FMN1: variants seen among roughly 807,000 people sequenced by gnomAD.
FMN1 encodes formin-1.
Under a neutral mutation model 132.4 loss-of-function variants are expected in FMN1, and 110 were observed. The ratio of observed to expected loss-of-function variants is 0.83; its 90% CI spans 0.71 to 0.97. FMN1 has a LOEUF of 0.97. Among genes scored for constraint, FMN1 ranks in the 50% least tolerant of loss-of-function variants. FMN1 has a pLI of 0.00. For synonymous variants in FMN1, 722 were observed against 651.7 expected (o/e 1.11, Z -1.64); for missense variants, 1,792 against 1,705.3 (o/e 1.05, Z -0.90).
At chr15:33,046,700 T>C (rs976943994) in intron 6 of FMN1, among the ~76,000 whole-genome samples, 2 of 152,180 alleles carry the variant, frequency 1.3e-5, no homozygotes, top group African/African-American at 4.8e-5. Flanking sequence ...CCCAGAAACC[T>C]GACATACTGG....
chr15:33,126,008 T>C (rs944505671), intron 4 of FMN1, among the ~76,000 whole-genome samples: 4 of 123,780 alleles, frequency 3.2e-5, no homozygotes, highest in Admixed American at 7.1e-5. Context: ...AATCTACACA[T>C]GAGATAACAG....
chr15:33,103,039 C>G (rs1382451035), intron 4 of FMN1, among the ~76,000 whole-genome samples: 6 of 152,048 alleles, frequency 3.9e-5, no homozygotes, highest in Non-Finnish European at 8.8e-5. Flanking sequence ...CTTGCCTTCT[C>G]CAGTACCAGG....
intron 7 of FMN1, among the ~76,000 whole-genome samples, chr15:33,004,310 T>C (rs1307392054): frequency 5.9e-5 from 9 of 152,168 alleles, no homozygotes; most frequent in Admixed American, 5.2e-4. Context: ...AAAGGGCTAA[T>C]ATCCAGAATC....
In FMN1 at chr15:33,186,617, A is replaced by C. The variant is rs375602538; in HGVS notation, c.-196-6355T>G. Among the ~76,000 whole-genome samples the C allele has an allele frequency of 2.6e-5, 4 of 152,318 alleles. 1 individual carries two copies. Among genetic ancestry groups the C allele is most frequent in the South Asian group, 4.1e-4 (2 of 4,828 alleles). Reference sequence around the variant, plus strand: ...ATTCTATCTTACTATCTCTTCACCTATCTTAAGTTTCAGTTTCCTCTTCAT... The same window carrying C: ...ATTCTATCTTACTATCTCTTCACCTCTCTTAAGTTTCAGTTTCCTCTTCAT... On this transcript the variant is annotated intron_variant, in intron 2 of 20. Coordinates refer to ENST00000616417, the MANE Select transcript of FMN1 (RefSeq NM_001277313.2).
At chr15:33,116,145 CTTA>C (rs1483719172) in intron 4 of FMN1, among the ~76,000 whole-genome samples, 7 of 152,240 alleles carry the variant, frequency 4.6e-5, no homozygotes, top group Middle Eastern at 3.4e-3. Context: ...TTTCCTTAGC[CTTA>C]TTAGTAGTTA....
rs187974360 is a variant in FMN1, at chr15:32,961,258, C to T, written c.3138+2849G>A. Reference sequence around the variant, plus strand: ...AAGCGATTCTCCTGCCTCAGCCTCCCGAGTAGCTGAGATTACAGGCGCCCG... The same window carrying T: ...AAGCGATTCTCCTGCCTCAGCCTCCTGAGTAGCTGAGATTACAGGCGCCCG... On this transcript the variant is annotated intron_variant, in intron 9 of 20. Transcript: ENST00000616417. Among the ~76,000 whole-genome samples, 534 of 151,626 alleles carry T rather than the reference C, an allele frequency of 3.5e-3. 5 individuals are homozygous for T. The highest frequency in any genetic ancestry group is 0.012 in the African/African-American group (510 of 41,326).
intron 7 of FMN1, among the ~76,000 whole-genome samples, chr15:33,004,940 A>G (rs1247037162): frequency 6.7e-6 from 1 of 149,774 alleles, no homozygotes; most frequent in Non-Finnish European, 1.5e-5. Flanking sequence ...TCGCAAGGAC[A>G]AAAAAACCAA....
At chr15:33,006,070 A>G (rs1596455217) in intron 7 of FMN1, among the ~76,000 whole-genome samples, 1 of 152,310 alleles carries the variant, frequency 6.6e-6, no homozygotes, top group East Asian at 1.9e-4. Context: ...ATAACATAAC[A>G]TATAATCCAA....
At chr15:33,169,229 C>A (rs574092457) in intron 3 of FMN1, among the ~76,000 whole-genome samples, 1 of 152,232 alleles carries the variant, frequency 6.6e-6, no homozygotes, top group African/African-American at 2.4e-5. Flanking sequence ...TATAAATATA[C>A]ATTTATGAAA....
At position 33,153,984 on chromosome 15, in the gene FMN1, C is replaced by G; in HGVS notation, c.931G>C (p.Asp311His). Residue 311 changes from aspartate (D) to histidine (H), a missense_variant, in exon 4 of 21, where the codon GAT becomes CAT. Physicochemically the swap from Asp to His is moderately conservative, Grantham distance 81 (BLOSUM62 -1). Transcript: ENST00000616417. The part of the protein sequence containing the change: ...DPEKHPEAEK[D>H]EMEKPAKRTC... ...CGCTTAGCCGGCTTCTCCATCTCAT[C>G]CTTTTCTGCCTCTGGATGCTTCTCA... The G allele has an allele frequency of 6.5e-7, 1 of 1,536,696 alleles. No homozygotes were observed. Among genetic ancestry groups the G allele is most frequent in the Middle Eastern group, 1.7e-4 (1 of 5,996 alleles).
intron 3 of FMN1, among the ~76,000 whole-genome samples, chr15:33,160,827 A>G (rs1964859938): frequency 6.6e-6 from 1 of 152,070 alleles, no homozygotes; most frequent in African/African-American, 2.4e-5. Flanking sequence ...CCAGGCTGGC[A>G]TTCTGTCTAT....
At chr15:33,025,996 A>T (rs946742704) in intron 6 of FMN1, among the ~76,000 whole-genome samples, 1 of 152,186 alleles carries the variant, frequency 6.6e-6, no homozygotes, top group Non-Finnish European at 1.5e-5. Context: ...AAAAGAAGAG[A>T]TAAAACTGGT....
intron 16 of FMN1, among the ~76,000 whole-genome samples, chr15:32,865,497 TAAAC>T (rs1355874441): frequency 1.3e-5 from 2 of 152,170 alleles, no homozygotes; most frequent in African/African-American, 2.4e-5. Flanking sequence ...ATTGAGAAAT[TAAAC>T]ATATTAGTCA....
At chr15:32,905,207 C>G (rs911073671) in intron 12 of FMN1, among the ~76,000 whole-genome samples, 1 of 152,162 alleles carries the variant, frequency 6.6e-6, no homozygotes, top group South Asian at 2.1e-4. Context: ...ACTCAGCTGA[C>G]GGGTGGAATG....
Position 32,999,254 on chromosome 15 carries a change from A to C in FMN1, c.2223+8760T>G, listed in dbSNP as rs191889844. ...GTATTATCTGGGAATTAAGAGATTT[A>C]AATGTATTGTGTTGATAATGAAGAA... On this transcript the variant is annotated intron_variant, in intron 7 of 20. Coordinates refer to ENST00000616417, the MANE Select transcript of FMN1 (RefSeq NM_001277313.2). 1.5e-3 allele frequency among the ~76,000 whole-genome samples: 236 copies of C among 152,334 alleles called. 1 individual carries two copies. Among genetic ancestry groups the C allele is most frequent in the African/African-American group, 5.1e-3 (214 of 41,574 alleles).
intron 6 of FMN1, among the ~76,000 whole-genome samples, chr15:33,038,142 C>T (rs1207296958): frequency 1.3e-5 from 2 of 152,328 alleles, no homozygotes; most frequent in Admixed American, 1.3e-4. Context: ...GCAGGAGAAT[C>T]GCTTCTATCC....
Position 32,933,211 on chromosome 15 carries a change from C to T in FMN1, c.3139-6950G>A, listed in dbSNP as rs139660688. 2.8e-4 allele frequency among the ~76,000 whole-genome samples: 42 copies of T among 152,184 alleles called. 1 individual carries two copies. The highest frequency in any genetic ancestry group is 9.4e-4 in the African/African-American group (39 of 41,540). ...TTTGTCACAAGATATTTTCCAATTT[C>T]CCTTTTGGTTTCTTCTTTGACCCAC... On this transcript the variant is annotated intron_variant, in intron 9 of 20. Transcript: ENST00000616417.
At position 32,956,777 on chromosome 15, in the gene FMN1, A is replaced by G. The variant is rs552133188; in HGVS notation, c.3138+7330T>C. 1.1e-3 allele frequency among the ~76,000 whole-genome samples: 169 copies of G among 152,288 alleles called. 1 individual carries two copies. The highest frequency in any genetic ancestry group is 2.2e-3 in the Non-Finnish European group (149 of 68,030). On this transcript the variant is annotated intron_variant, in intron 9 of 20. Coordinates refer to ENST00000616417, the MANE Select transcript of FMN1 (RefSeq NM_001277313.2). ...CCTTACACCGAGGGAGCCCAGAGAA[A>G]TTATCTTTGTACACCAAAGCTGAAA...
chr15:33,108,643 A>C (rs535316397), intron 4 of FMN1, among the ~76,000 whole-genome samples: 3 of 151,872 alleles, frequency 2.0e-5, no homozygotes, highest in Admixed American at 6.6e-5. Context: ...TCCTCTCCCC[A>C]CTCTTAAGAA....
Sources: gnomAD v4.1 joint callset for allele counts (sites outside exome capture counted in the v4.1 genomes callset) on GRCh38, gnomAD v4.1.1 for gene constraint, MANE v1.5 for transcripts, NCBI Gene and HGNC (gene_info 2026-07-23, HGNC 2026-07-21) for gene names.